JMJD1C: variants seen among roughly 807,000 people sequenced by gnomAD.
JMJD1C encodes jumonji domain-containing protein 1C.
JMJD1C carries 31 observed loss-of-function variants against 245.3 expected under a neutral mutation model. The ratio of observed to expected loss-of-function variants is 0.13; its 90% CI spans 0.09 to 0.17. The LOEUF (loss-of-function observed/expected upper bound fraction) is 0.17, where lower values mean the gene tolerates loss of function less well. Ranked by LOEUF, JMJD1C falls within the 10% of genes least tolerant of loss-of-function variation. The pLI is 1.00. For synonymous variants in JMJD1C, 1,057 were observed against 1,017.4 expected, an observed-to-expected ratio of 1.04 and a Z score of -0.74; for missense variants, 2,691 against 3,000.2, an observed-to-expected ratio of 0.90 and a Z score of 2.41.
chr10:63,270,948 C>T lies in JMJD1C; in HGVS notation c.334-6184G>A, dbSNP rs186250993. The stretch of plus-strand genomic sequence containing the variant: ...AAATTTTAACCTTTAGAGCATCCAG[C>T]GAAAATTTGTAAGTTTCTGACTTAG... On this transcript the variant is annotated intron_variant, in intron 2 of 25. Transcript: ENST00000399262. 4.2e-4 allele frequency among the ~76,000 whole-genome samples: 64 copies of T among 152,110 alleles called. No homozygotes were observed. The East Asian group carries it at 0.012, about 29-fold the overall frequency.
At chr10:63,297,914 G>GC (rs949526792) in intron 2 of JMJD1C, among the ~76,000 whole-genome samples, 1 of 152,228 alleles carries the variant, frequency 6.6e-6, no homozygotes, top group African/African-American at 2.4e-5. Flanking sequence ...TCAAGCCAGG[G>GC]CTGTGACACG....
At position 63,253,599 on chromosome 10, in the gene JMJD1C, T is replaced by C. The variant is rs2133656530; in HGVS notation, c.447+11052A>G. Among the ~76,000 whole-genome samples, 3 of 152,288 alleles carry C rather than the reference T, an allele frequency of 2.0e-5. No homozygotes were observed. The South Asian group carries it at 6.2e-4, about 32-fold the overall frequency. ...TGGGGTTTCACCATGTTGGCTAGGC[T>C]GGTTTTGAACTCCTGAACTCAGGTG... On this transcript the variant is annotated intron_variant, in intron 3 of 25. Transcript: ENST00000399262.
chr10:63,347,570 C>A (rs1335934032), intron 2 of JMJD1C, among the ~76,000 whole-genome samples: 9 of 132,502 alleles, frequency 6.8e-5, no homozygotes, highest in Non-Finnish European at 9.3e-5. Flanking sequence ...GGCAACAGAG[C>A]GAGAGTCCAT....
chr10:63,245,345 G>C (rs548782910), intron 3 of JMJD1C, among the ~76,000 whole-genome samples: 1 of 151,918 alleles, frequency 6.6e-6, no homozygotes, highest in East Asian at 1.9e-4. Context: ...ATTTACAAAA[G>C]AAAAAGATTT....
chr10:63,352,637 C>CAA (rs145589142), intron 2 of JMJD1C, among the ~76,000 whole-genome samples: 50 of 96,644 alleles, frequency 5.2e-4, no homozygotes, highest in African/African-American at 9.6e-4. Flanking sequence ...GACTCTGTCT[C>CAA]AAAAAAAAAA....
chr10:63,458,189 T>C (rs1564941022), intron 1 of JMJD1C, among the ~76,000 whole-genome samples: 1 of 152,200 alleles, frequency 6.6e-6, no homozygotes, highest in African/African-American at 2.4e-5. Flanking sequence ...ATTTTATATC[T>C]AATAAAAGTG....
intron 5 of JMJD1C, among the ~76,000 whole-genome samples, chr10:63,216,567 G>A (rs980969474): frequency 1.3e-5 from 2 of 151,958 alleles, no homozygotes; most frequent in Admixed American, 6.6e-5. Context: ...AAAAATAGCC[G>A]GGCGTGGTGG....
At chr10:63,259,323 T>A (rs540035677) in intron 3 of JMJD1C, among the ~76,000 whole-genome samples, 45 of 152,334 alleles carry the variant, frequency 3.0e-4, no homozygotes, top group Admixed American at 9.2e-4. Context: ...CTTGGCTGAC[T>A]AATGGCTAAA....
chr10:63,280,888 T>G (rs1857296830), intron 2 of JMJD1C, among the ~76,000 whole-genome samples: 1 of 151,940 alleles, frequency 6.6e-6, no homozygotes, highest in South Asian at 2.1e-4. Context: ...AAGTAGGCTG[T>G]CCCGCTTGAC....
intron 3 of JMJD1C, among the ~76,000 whole-genome samples, chr10:63,224,201 A>G (rs1848975874): frequency 6.6e-6 from 1 of 152,214 alleles, no homozygotes; most frequent in African/African-American, 2.4e-5. Context: ...ACTGATAATG[A>G]CTTTATGTAG....
At chr10:63,515,316 GAAT>G (rs1363339633) in intron 1 of JMJD1C, among the ~76,000 whole-genome samples, 1 of 152,204 alleles carries the variant, frequency 6.6e-6, no homozygotes, top group African/African-American at 2.4e-5. Flanking sequence ...GTTAAGAACA[GAAT>G]ACCTTGGTGT....
chr10:63,521,612 G>A (rs1564987109), intron 1 of JMJD1C: 2 of 1,381,914 alleles, frequency 1.4e-6, no homozygotes, highest in Admixed American at 2.7e-5. Context: ...CAGCCGGCGC[G>A]AGGCCCAGGG....
At chr10:63,424,642 G>C (rs1950333189) in intron 1 of JMJD1C, among the ~76,000 whole-genome samples, 1 of 151,524 alleles carries the variant, frequency 6.6e-6, no homozygotes, top group Non-Finnish European at 1.5e-5. Context: ...AAGTAGCTGG[G>C]ATTACAGGTG....
intron 2 of JMJD1C, among the ~76,000 whole-genome samples, chr10:63,332,472 A>T (rs2134172871): frequency 6.6e-6 from 1 of 152,342 alleles, no homozygotes; most frequent in Non-Finnish European, 1.5e-5. Context: ...GGAGGAATAG[A>T]CTGTAACCTT....
At position 63,506,846 on chromosome 10, in the gene JMJD1C, T is replaced by C. The variant is rs118154252; in HGVS notation, n.113+14892A>G. 4.8e-4 allele frequency among the ~76,000 whole-genome samples: 73 copies of C among 152,346 alleles called. No homozygotes were observed. The East Asian group carries it at 0.013, about 27-fold the overall frequency. ...TGCATTCTACCATCTTTGACATATG[T>C]ATAATGACATGTATGCACTATTATA... is the stretch of plus-strand genomic sequence containing the variant. On this transcript the variant is annotated intron_variant and non_coding_transcript_variant, in intron 1 of 3. Coordinates refer to the JMJD1C transcript ENST00000633035.
At position 63,196,238 on chromosome 10, in the gene JMJD1C, C is replaced by T. The variant is rs143469685; in HGVS notation, c.5644+1173G>A. Among the ~76,000 whole-genome samples the T allele has an allele frequency of 9.1e-3, 1,370 of 151,358 alleles. 17 individuals carry two copies. Among genetic ancestry groups the T allele is most frequent in the African/African-American group, 0.03 (1,253 of 41,298 alleles). On this transcript the variant is annotated intron_variant, in intron 13 of 25. Transcript: ENST00000399262. ...AGCCTGGGCAACAAGAGTGAAACTC[C>T]GTCTCAACAACAACATCCAAAAAAA...
chr10:63,213,712 G>T lies in JMJD1C; in HGVS notation c.2455C>A (p.His819Asn), dbSNP rs755245590. The change falls in exon 8 of 26, where the codon CAT (histidine) becomes AAT (asparagine). Residue 819 changes from histidine (H) to asparagine (N), a missense_variant. His to Asn is a moderately conservative substitution (Grantham distance 68). Around this residue, in one of 9 missense-constraint regions of JMJD1C, gnomAD observed 1,562 missense variants for 1,490.7 expected, o/e 1.05. Transcript: ENST00000399262. ...LGGHPRLESA[H>N]ASSLSHLALA... ...GCTAAGTGGCTCAAGCTGCTGGCAT[G>T]AGCACTCTCTAGTCGTGGGTGGCCA... The T allele has an allele frequency of 5.0e-6, 8 of 1,614,078 alleles. No individual in the cohort carries two copies. The highest frequency in any genetic ancestry group is 4.0e-5 in the African/African-American group (3 of 74,940).
chr10:63,300,378 CAA>C (rs781390705), intron 2 of JMJD1C, among the ~76,000 whole-genome samples: 1 of 146,826 alleles, frequency 6.8e-6, no homozygotes, highest in Non-Finnish European at 1.5e-5. Flanking sequence ...TGTCTAGATA[CAA>C]ATAAGAGATT....
chr10:63,502,565 G>A (rs1027129822), intron 1 of JMJD1C, among the ~76,000 whole-genome samples: 3 of 150,312 alleles, frequency 2.0e-5, no homozygotes, highest in East Asian at 2.0e-4. Flanking sequence ...GTGAACCCGC[G>A]AGGCGGAGCT....
Sources: gnomAD v4.1 joint callset for allele counts (sites outside exome capture counted in the v4.1 genomes callset) on GRCh38, gnomAD v4.1.1 for gene constraint, gnomAD v4.1.1 regional missense constraint, MANE v1.5 for transcripts, NCBI Gene and HGNC (gene_info 2026-07-23, HGNC 2026-07-21) for gene names.